SLC16A9: variants seen among roughly 807,000 people sequenced by gnomAD.
The protein encoded by SLC16A9 is monocarboxylate transporter 9.
Under a neutral mutation model 44.3 loss-of-function variants are expected in SLC16A9, and 26 were observed. The observed-to-expected ratio is 0.59, with a 90% CI of 0.43 to 0.81. The LOEUF is 0.81. Ranked by LOEUF, SLC16A9 falls within the 40% of genes least tolerant of loss-of-function variation. The probability of loss-of-function intolerance (pLI) is 0.00; values close to 1 mark genes in which losing one functional copy is unlikely to be tolerated. For missense variants in SLC16A9, 559 were observed against 595.8 expected, an observed-to-expected ratio of 0.94 and a Z score of 0.64; for synonymous variants, 230 against 225.1, an observed-to-expected ratio of 1.02 and a Z score of -0.19.
chr10:59,686,845 A>G (rs1427724517), intron 1 of SLC16A9, among the ~76,000 whole-genome samples: 1 of 152,150 alleles, frequency 6.6e-6, no homozygotes. Flanking sequence ...TGAGATGAAA[A>G]CATCTTAATT....
chr10:59,709,271 AC>A (rs1052122048), intron 1 of SLC16A9, among the ~76,000 whole-genome samples: 2 of 151,692 alleles, frequency 1.3e-5, no homozygotes, highest in African/African-American at 4.8e-5. Flanking sequence ...TTGTAGAAGC[AC>A]CCCATCAAAA....
At chr10:59,703,264 G>GCAAATA (rs1188430661) in intron 1 of SLC16A9, among the ~76,000 whole-genome samples, 2 of 152,254 alleles carry the variant, frequency 1.3e-5, no homozygotes, top group East Asian at 3.9e-4. Context: ...TAGGACTACA[G>GCAAATA]GCAGGTGCCA....
intron 4 of SLC16A9, 44 bp downstream of exon 4, chr10:59,664,183 G>A: frequency 1.4e-6 from 2 of 1,394,128 alleles, no homozygotes; most frequent in Non-Finnish European, 2.0e-6. Flanking sequence ...ACTTTGTTTA[G>A]AAGACTGAAT....
At chr10:59,697,016 T>G (rs1181112263) in intron 1 of SLC16A9, among the ~76,000 whole-genome samples, 1 of 94,058 alleles carries the variant, frequency 1.1e-5, no homozygotes, top group African/African-American at 3.7e-5. Flanking sequence ...AGCCGCCCCG[T>G]CCGGGAGGTG....
At chr10:59,692,955 A>G (rs780427262) in intron 1 of SLC16A9, among the ~76,000 whole-genome samples, 3 of 152,242 alleles carry the variant, frequency 2.0e-5, no homozygotes, top group Non-Finnish European at 4.4e-5. Context: ...TGAAGCTCCC[A>G]ATTCAAATAC....
chr10:59,702,159 G>A (rs1185201017), intron 1 of SLC16A9, among the ~76,000 whole-genome samples: 1 of 152,174 alleles, frequency 6.6e-6, no homozygotes, highest in African/African-American at 2.4e-5. Context: ...TCAACAAAAT[G>A]AACTGAGTGC....
chr10:59,705,835 G>A (rs1840625346), intron 1 of SLC16A9, among the ~76,000 whole-genome samples: 2 of 152,188 alleles, frequency 1.3e-5, no homozygotes. Flanking sequence ...TAAGGATGTT[G>A]ATACTGTTTA....
intron 2 of SLC16A9, among the ~76,000 whole-genome samples, chr10:59,679,167 T>C (rs1383693611): frequency 3.0e-5 from 3 of 99,866 alleles, no homozygotes; most frequent in Non-Finnish European, 6.5e-5. Context: ...TTCCTGCTGT[T>C]TCAGCACTTG....
intron 1 of SLC16A9, among the ~76,000 whole-genome samples, chr10:59,691,371 C>G (rs1564710144): frequency 6.6e-6 from 1 of 152,218 alleles, no homozygotes; most frequent in East Asian, 1.9e-4. Context: ...TTGAAGAACA[C>G]TAATTTAGGG....
At chr10:59,666,310 A>AAAG (rs1361267726) in intron 3 of SLC16A9, among the ~76,000 whole-genome samples, 2 of 151,982 alleles carry the variant, frequency 1.3e-5, no homozygotes, top group African/African-American at 4.8e-5. Flanking sequence ...AAAAAAAAAA[A>AAAG]AAAAGAAAAG....
rs1840011336 is a variant in SLC16A9 at position 59,681,692 on chromosome 10, ATATATATATG to A, written c.196+2394_196+2403del. On this transcript the variant is annotated intron_variant, in intron 2 of 5. Transcript: ENST00000395348. ...TATATGTATATGTATATGTATATGTATATATATATGTATATGTATATGTATATGATGTATA... is the reference window on the plus strand; with the variant it reads ...TATATGTATATGTATATGTATATGTATATATGTATATGTATATGATGTATA... Among the ~76,000 whole-genome samples the A allele has an allele frequency of 3.9e-4, 7 of 18,160 alleles. 3 individuals are homozygous for A. The highest frequency in any genetic ancestry group is 2.7e-3 in the African/African-American group (7 of 2,572). 11.9% of individuals were successfully genotyped at this position (18,160 alleles called of 152,430 possible).
At chr10:59,654,730 TAAC>T (rs1335109999) in intron 4 of SLC16A9, 141 bp from the exon 5 acceptor site, 8 of 641,836 alleles carry the variant, frequency 1.2e-5, no homozygotes, top group African/African-American at 5.5e-5. Context: ...AGATAGAAGA[TAAC>T]AATAATAACA....
Position 59,664,209 on chromosome 10 carries a change from C to T in SLC16A9, c.436+18G>A. 2 of 1,572,516 alleles carry T rather than the reference C, an allele frequency of 1.3e-6. No individual in the cohort carries two copies. On this transcript the variant is annotated intron_variant, in intron 4 of 5. Coordinates refer to ENST00000395348, the MANE Select transcript of SLC16A9 (RefSeq NM_194298.3). ...AAGACTGAATGGTGACAATACTGTA[C>T]TCATTTTGAAAATATACCTGTTGAA...
At chr10:59,675,073 T>C (rs1839829749) in intron 2 of SLC16A9, among the ~76,000 whole-genome samples, 1 of 152,238 alleles carries the variant, frequency 6.6e-6, no homozygotes, top group South Asian at 2.1e-4. Context: ...GGGTTTAAAA[T>C]TCTCTACTTT....
chr10:59,669,243 C>T (rs190746070), intron 3 of SLC16A9, among the ~76,000 whole-genome samples: 1 of 152,322 alleles, frequency 6.6e-6, no homozygotes, highest in African/African-American at 2.4e-5. Context: ...ACATTCCCTG[C>T]ACCACCACCT....
chr10:59,701,294 C>T (rs544943687), intron 1 of SLC16A9, among the ~76,000 whole-genome samples: 110 of 152,336 alleles, frequency 7.2e-4, no homozygotes, highest in African/African-American at 2.6e-3. Flanking sequence ...TCACAACTGC[C>T]TACAGGTGGA....
Position 59,704,437 on chromosome 10 carries a change from G to C in SLC16A9, c.-37+5042C>G, listed in dbSNP as rs1840596221. 2.0e-5 allele frequency among the ~76,000 whole-genome samples: 3 copies of C among 152,202 alleles called. No individual in the cohort carries two copies. The South Asian group carries it at 6.2e-4, about 32-fold the overall frequency. ...AGTTGAGAGACGTCATGCTAAAGGA[G>C]AGAACAGTTTCAGGATCCTTTACTC... On this transcript the variant is annotated intron_variant, in intron 1 of 5. Coordinates refer to ENST00000395348, the MANE Select transcript of SLC16A9 (RefSeq NM_194298.3).
intron 1 of SLC16A9, among the ~76,000 whole-genome samples, chr10:59,701,112 C>T (rs1840513140): frequency 6.6e-6 from 1 of 152,188 alleles, no homozygotes; most frequent in African/African-American, 2.4e-5. Context: ...CTGAATTTTA[C>T]CTGGAAAACT....
chr10:59,674,059 T>G (rs969241650), intron 2 of SLC16A9, among the ~76,000 whole-genome samples: 1 of 152,140 alleles, frequency 6.6e-6, no homozygotes, highest in Non-Finnish European at 1.5e-5. Flanking sequence ...AAGCCAAACT[T>G]GCGGGGTATT....
Sources: allele counts gnomAD v4.1 joint callset (sites outside exome capture counted in the v4.1 genomes callset), GRCh38; gene constraint gnomAD v4.1.1; transcripts MANE v1.5; gene names NCBI Gene and HGNC (gene_info 2026-07-23, HGNC 2026-07-21).